AFF1: variants seen among roughly 807,000 people sequenced by gnomAD.
The protein encoded by AFF1 is ALF transcription elongation factor 1, also known as AF4/FMR2 family member 1.
A neutral mutation model predicts 121.7 loss-of-function variants in AFF1; 48 were observed. The ratio of observed to expected loss-of-function variants is 0.39; its 90% CI spans 0.31 to 0.50. The LOEUF is 0.50. Ranked by LOEUF, AFF1 falls within the 20% of genes least tolerant of loss-of-function variation. The pLI is 0.76. For missense variants in AFF1, 1,523 were observed against 1,511.7 expected (o/e 1.01, Z -0.12); for synonymous variants, 613 against 563.0 (o/e 1.09, Z -1.26).
At chr4:87,106,297 C>T (rs1432719754) in intron 10 of AFF1, among the ~76,000 whole-genome samples, 3 of 152,324 alleles carry the variant, frequency 2.0e-5, no homozygotes, top group South Asian at 4.1e-4. Context: ...CCAGGAGAAT[C>T]GCTTGAACCC....
At chr4:86,975,629 A>G (rs1211340086) in intron 2 of AFF1, among the ~76,000 whole-genome samples, 2 of 152,214 alleles carry the variant, frequency 1.3e-5, no homozygotes, top group Non-Finnish European at 2.9e-5. Flanking sequence ...TTGAGGATAC[A>G]AAACTCATTA....
intron 4 of AFF1, among the ~76,000 whole-genome samples, chr4:87,074,294 T>C (rs911673380): frequency 6.6e-6 from 1 of 152,150 alleles, no homozygotes; most frequent in Non-Finnish European, 1.5e-5. Flanking sequence ...ACTTGTTCTT[T>C]GTGATGCCTT....
At chr4:87,023,237 A>T (rs796564285) in intron 2 of AFF1, among the ~76,000 whole-genome samples, 9 of 152,268 alleles carry the variant, frequency 5.9e-5, no homozygotes, top group African/African-American at 1.9e-4. Flanking sequence ...TTTCAATGTT[A>T]TCTTAAAATT....
chr4:86,935,541 G>C (rs1019669471), intron 1 of AFF1: 3 of 152,320 alleles, frequency 2.0e-5, no homozygotes, highest in African/African-American at 7.2e-5. Flanking sequence ...CAAGTCAGAC[G>C]TTTGCCTGTG....
intron 2 of AFF1, among the ~76,000 whole-genome samples, chr4:86,981,345 C>T (rs1416773733): frequency 1.3e-5 from 2 of 151,868 alleles, no homozygotes; most frequent in Non-Finnish European, 2.9e-5. Flanking sequence ...CTGATATGCA[C>T]AAATTTCAGT....
rs1232572446 is a variant in AFF1 at position 87,137,824 on chromosome 4, T to C, written c.*2123T>C. On this transcript the variant is annotated 3_prime_UTR_variant, in exon 21 of 21. Transcript: ENST00000395146. The stretch of plus-strand genomic sequence containing the variant: ...TTACTCCCTTAGCCATCCCCTCCCC[T>C]TTTGTCCTATCATTCCCTAGAACAA... The C allele has an allele frequency of 1.7e-5, 4 of 230,948 alleles. No homozygotes were observed. The highest frequency in any genetic ancestry group is 3.4e-5 in the Non-Finnish European group (4 of 116,680). The allele number at this position is 230,948 out of a possible 1,614,324, so 14.3% of individuals were successfully genotyped here. A position where few individuals can be genotyped will look rare whatever the true frequency, so the allele number is the denominator to read the frequency against.
intron 2 of AFF1, among the ~76,000 whole-genome samples, chr4:86,953,500 T>C (rs1005363804): frequency 1.3e-5 from 2 of 152,200 alleles, no homozygotes; most frequent in Non-Finnish European, 2.9e-5. Flanking sequence ...AGAATATTAA[T>C]GTAATGTGCA....
intron 2 of AFF1, among the ~76,000 whole-genome samples, chr4:86,965,320 G>A (rs762944044): frequency 6.6e-6 from 1 of 152,202 alleles, no homozygotes; most frequent in African/African-American, 2.4e-5. Flanking sequence ...GTGCCTACAG[G>A]TTACCTGTAT....
chr4:87,090,111 G>A (rs751164899), intron 6 of AFF1, 41 bp downstream of exon 6: 10 of 1,508,378 alleles, frequency 6.6e-6, no homozygotes, highest in Non-Finnish European at 9.2e-6. Flanking sequence ...ATCCACCTTA[G>A]TGAAAAGCGT....
In AFF1 at chr4:86,999,063, C is replaced by G. The variant is rs138948398; in HGVS notation, c.39-47103C>G. On this transcript the variant is annotated intron_variant, in intron 2 of 20. Transcript: ENST00000395146. The stretch of plus-strand genomic sequence containing the variant: ...GGACCATTTCTCAGGCTGTCTCTTT[C>G]TCTTCCCTGTTTCCCTTTCCTTTTG... 6.6e-5 allele frequency among the ~76,000 whole-genome samples: 10 copies of G among 152,338 alleles called. No homozygotes were observed. The East Asian group carries it at 1.9e-3, about 29-fold the overall frequency.
At position 86,987,036 on chromosome 4, in the gene AFF1, G is replaced by C. The variant is rs559210061; in HGVS notation, c.38+38465G>C. 8.4e-4 allele frequency among the ~76,000 whole-genome samples: 128 copies of C among 151,598 alleles called. No homozygotes were observed. In the South Asian group the frequency reaches 0.011, roughly 13 times the overall value. ...TCATATTATTTTTTGTAGAGATGGGGGTCTTGCTATGTTGCCCAGGCTGGT... is the reference window on the plus strand; with the variant it reads ...TCATATTATTTTTTGTAGAGATGGGCGTCTTGCTATGTTGCCCAGGCTGGT... On this transcript the variant is annotated intron_variant, in intron 2 of 20. Transcript: ENST00000395146.
At chr4:87,092,485 A>T (rs966458423) in intron 7 of AFF1, among the ~76,000 whole-genome samples, 3 of 152,334 alleles carry the variant, frequency 2.0e-5, no homozygotes, top group Non-Finnish European at 2.9e-5. Context: ...TTTTATAAGG[A>T]ATATGACATA....
intron 6 of AFF1, 68 bp downstream of exon 6, chr4:87,090,138 G>A: frequency 7.9e-7 from 1 of 1,272,214 alleles, no homozygotes; most frequent in Non-Finnish European, 1.1e-6. Context: ...TTGCTGTGAG[G>A]CAGATTGATA....
At chr4:87,007,552 C>A in intron 2 of AFF1, 1 of 1,267,546 alleles carries the variant, frequency 7.9e-7, no homozygotes. Context: ...TCTCATCATT[C>A]CCGAGGCTGT....
chr4:87,114,166 A>G (rs566934305), intron 11 of AFF1, among the ~76,000 whole-genome samples: 1 of 152,324 alleles, frequency 6.6e-6, no homozygotes, highest in Admixed American at 6.5e-5. Flanking sequence ...AAATTTCTAA[A>G]TCCCACAAAA....
intron 4 of AFF1, chr4:87,047,953 T>G (rs904888044): frequency 3.6e-6 from 1 of 278,972 alleles, no homozygotes; most frequent in Non-Finnish European, 7.0e-6. Context: ...ACCAGAAAGT[T>G]TCAGGAAGGT....
At chr4:87,124,706 A>C (rs745733241) in intron 12 of AFF1, among the ~76,000 whole-genome samples, 3 of 152,162 alleles carry the variant, frequency 2.0e-5, no homozygotes. Context: ...ATTCTTTTCT[A>C]TTTAGAAAAA....
intron 2 of AFF1, among the ~76,000 whole-genome samples, chr4:87,035,294 G>T (rs967112423): frequency 6.6e-6 from 1 of 152,140 alleles, no homozygotes; most frequent in African/African-American, 2.4e-5. Context: ...TGGCATGGTG[G>T]CTCACATCTG....
intron 2 of AFF1, among the ~76,000 whole-genome samples, chr4:87,005,731 G>A (rs1726054612): frequency 6.6e-6 from 1 of 152,192 alleles, no homozygotes; most frequent in Non-Finnish European, 1.5e-5. Context: ...AAAGACCCAT[G>A]CTCAAGGGTC....
Sources: allele counts gnomAD v4.1 joint callset (sites outside exome capture counted in the v4.1 genomes callset), GRCh38; gene constraint gnomAD v4.1.1; transcripts MANE v1.5; gene names NCBI Gene and HGNC (gene_info 2026-07-23, HGNC 2026-07-21).